Variants in LRRC40 observed in about 807,000 individuals in gnomAD.
LRRC40 encodes the protein leucine-rich repeat-containing protein 40.
A neutral mutation model predicts 72.8 loss-of-function variants in LRRC40; 76 were observed. That is an observed-to-expected ratio of 1.04 (90% CI 0.87 to 1.26). The LOEUF (loss-of-function observed/expected upper bound fraction) is 1.26. Ranked by LOEUF, LRRC40 falls within the 50% of genes most tolerant of loss-of-function variation. The pLI is 0.00. For synonymous variants in LRRC40, 243 were observed against 254.2 expected (o/e 0.96, Z 0.42); for missense variants, 684 against 698.9 (o/e 0.98, Z 0.24).
intron 6 of LRRC40, among the ~76,000 whole-genome samples, chr1:70,177,278 A>G (rs1178145171): frequency 2.0e-5 from 3 of 152,150 alleles, no homozygotes; most frequent in Non-Finnish European, 2.9e-5. Context: ...TCTGCCTCAA[A>G]AAAAATAAAT....
Position 70,151,186 on chromosome 1 carries a change from A to T in LRRC40, c.1459T>A (p.Leu487Met), listed in dbSNP as rs748419294. Residue 487 changes from leucine to methionine, a missense_variant, in exon 13 of 15, where the codon TTG becomes ATG. Leu to Met is a conservative substitution (Grantham distance 15). Coordinates refer to ENST00000370952, the MANE Select transcript of LRRC40 (RefSeq NM_017768.5). ...LDLRNNFLNSLPEEMESLVRL... is the reference protein window; with the variant it reads ...LDLRNNFLNSMPEEMESLVRL... The stretch of plus-strand genomic sequence containing the variant: ...ACCAGTGATTCCATTTCTTCTGGCA[A>T]AGAATTTAAAAAATTGTTCCTAAAT... 6.3e-7 allele frequency: 1 copy of T among 1,582,714 alleles called. No homozygotes were observed. Among genetic ancestry groups the T allele is most frequent in the East Asian group, 2.2e-5 (1 of 44,546 alleles).
intron 9 of LRRC40, among the ~76,000 whole-genome samples, chr1:70,165,407 G>T (rs965517607): frequency 6.6e-6 from 1 of 152,214 alleles, no homozygotes; most frequent in South Asian, 2.1e-4. Flanking sequence ...TGAGGAATCT[G>T]TGGACCACAT....
intron 4 of LRRC40, among the ~76,000 whole-genome samples, chr1:70,183,413 A>C (rs1280084051): frequency 6.6e-6 from 1 of 152,042 alleles, no homozygotes. Context: ...AATGGAAAAA[A>C]AAAAAGAGAT....
At chr1:70,199,841 C>G (rs931128524) in intron 1 of LRRC40, among the ~76,000 whole-genome samples, 12 of 151,916 alleles carry the variant, frequency 7.9e-5, no homozygotes, top group African/African-American at 2.7e-4. Context: ...CCCCACAACC[C>G]CTGAATTATT....
intron 9 of LRRC40, among the ~76,000 whole-genome samples, chr1:70,168,848 A>C (rs181797237): frequency 6.6e-6 from 1 of 152,240 alleles, no homozygotes; most frequent in Non-Finnish European, 1.5e-5. Context: ...CAAAAGAGAA[A>C]TCATAAAATA....
intron 7 of LRRC40, among the ~76,000 whole-genome samples, chr1:70,174,633 C>T (rs1465251570): frequency 6.6e-6 from 1 of 152,010 alleles, no homozygotes; most frequent in African/African-American, 2.4e-5. Flanking sequence ...TACATACAAC[C>T]ACATGAATCA....
At chr1:70,167,983 G>A (rs566159400) in intron 9 of LRRC40, among the ~76,000 whole-genome samples, 1 of 152,164 alleles carries the variant, frequency 6.6e-6, no homozygotes, top group African/African-American at 2.4e-5. Flanking sequence ...TGGAAATTTT[G>A]TAAGAGGTGA....
intron 10 of LRRC40, among the ~76,000 whole-genome samples, chr1:70,158,358 T>C (rs1490664451): frequency 1.3e-5 from 2 of 152,168 alleles, no homozygotes; most frequent in East Asian, 3.9e-4. Context: ...TACACTGATG[T>C]TGGCTGTGTA....
At chr1:70,159,535 A>G in intron 9 of LRRC40, 97 bp from the exon 10 acceptor site, 1 of 500,778 alleles carries the variant, frequency 2.0e-6, no homozygotes, top group East Asian at 3.4e-5. Flanking sequence ...TGATTTCTAG[A>G]TATTATTGGT....
intron 6 of LRRC40, among the ~76,000 whole-genome samples, chr1:70,176,330 A>G (rs974459222): frequency 6.6e-6 from 1 of 152,074 alleles, no homozygotes; most frequent in Non-Finnish European, 1.5e-5. Context: ...CAGGAGTTTG[A>G]GACCAGCCTG....
At chr1:70,198,004 C>A (rs776797338) in intron 1 of LRRC40, among the ~76,000 whole-genome samples, 14 of 152,080 alleles carry the variant, frequency 9.2e-5, no homozygotes, top group South Asian at 2.1e-4. Context: ...TCAAGTGATC[C>A]GCCTGCTTCC....
At position 70,187,324 on chromosome 1, in the gene LRRC40, C is replaced by T; in HGVS notation, c.348G>A (p.Gln116=). 1 of 1,567,674 alleles carries T rather than the reference C, an allele frequency of 6.4e-7. No individual in the cohort carries two copies. Among genetic ancestry groups the T allele is most frequent in the South Asian group, 1.1e-5 (1 of 88,028 alleles). Residue 116 remains glutamine (Q), a synonymous_variant, in exon 3 of 15, where the codon CAG becomes CAA. Transcript: ENST00000370952. ...TTATAGCAGAAGGAAGGGATGTCAA[C>T]TGATTATCATGTATCTAAAAGTTTT... is the stretch of plus-strand genomic sequence containing the variant. ...ALTVLDIHDN[Q]LTSLPSAIRE... is the part of the protein sequence containing the mutation.
At chr1:70,177,935 C>A (rs748420370) in intron 6 of LRRC40, among the ~76,000 whole-genome samples, 1 of 152,198 alleles carries the variant, frequency 6.6e-6, no homozygotes, top group African/African-American at 2.4e-5. Flanking sequence ...TTTATGATGA[C>A]TGACTTCCAT....
intron 9 of LRRC40, among the ~76,000 whole-genome samples, chr1:70,171,326 A>C (rs1351106043): frequency 1.3e-5 from 2 of 152,174 alleles, no homozygotes; most frequent in East Asian, 1.9e-4. Context: ...AAATGAACAA[A>C]AAAAAAATGA....
chr1:70,167,394 T>A (rs181355238), intron 9 of LRRC40, among the ~76,000 whole-genome samples: 42 of 151,820 alleles, frequency 2.8e-4, no homozygotes, highest in South Asian at 4.2e-4. Context: ...AACCCATCTA[T>A]ACTAAAAATA....
intron 9 of LRRC40, among the ~76,000 whole-genome samples, chr1:70,167,934 C>T (rs1407947835): frequency 6.6e-6 from 1 of 152,118 alleles, no homozygotes; most frequent in Admixed American, 6.5e-5. Flanking sequence ...ATTCTAATAG[C>T]AAACAGCAAA....
At chr1:70,201,662 A>C (rs1186453991) in intron 1 of LRRC40, among the ~76,000 whole-genome samples, 1 of 152,190 alleles carries the variant, frequency 6.6e-6, no homozygotes, top group East Asian at 1.9e-4. Context: ...AGGAAATACT[A>C]AGTTAAAACT....
Position 70,184,872 on chromosome 1 carries a change from T to C in LRRC40, c.450A>G (p.Leu150=), listed in dbSNP as rs780508408. The C allele has an allele frequency of 6.8e-6, 11 of 1,610,090 alleles. No homozygotes were observed. The highest frequency in any genetic ancestry group is 1.7e-5 in the Admixed American group (1 of 59,936). ...LKILPEEITN[L]RNLKCLYLQH... ...GGAGATACAGGCACTTCAGGTTTCT[T>C]AGGTTTGTAATTTCTTCAGGGAGTA... The change falls in exon 4 of 15, where the codon CTA becomes CTG. Residue 150 remains leucine (L), a synonymous_variant. Coordinates refer to ENST00000370952, the MANE Select transcript of LRRC40 (RefSeq NM_017768.5).
intron 13 of LRRC40, among the ~76,000 whole-genome samples, chr1:70,149,305 TAGA>T (rs2100223773): frequency 1.3e-5 from 2 of 152,202 alleles, no homozygotes; most frequent in Admixed American, 6.5e-5. Context: ...GACTAGAAAA[TAGA>T]AGAATGGGCA....
Sources: allele counts gnomAD v4.1 joint callset (sites outside exome capture counted in the v4.1 genomes callset), GRCh38; gene constraint gnomAD v4.1.1; transcripts MANE v1.5; gene names NCBI Gene and HGNC (gene_info 2026-07-23, HGNC 2026-07-21).